Variants in MAGI3 observed in about 807,000 individuals in gnomAD.
MAGI3 encodes the protein membrane associated guanylate kinase, WW and PDZ domain containing 3, also known as membrane-associated guanylate kinase, WW and PDZ domain-containing protein 3.
Under a neutral mutation model 121.8 loss-of-function variants are expected in MAGI3, and 43 were observed. The ratio of observed to expected loss-of-function variants is 0.35; its 90% CI spans 0.28 to 0.46. The LOEUF (loss-of-function observed/expected upper bound fraction) is 0.46. Ranked by LOEUF, MAGI3 falls within the 20% of genes least tolerant of loss-of-function variation. The pLI is 1.00. For missense variants in MAGI3, 1,547 were observed against 1,797.3 expected (o/e 0.86, Z 2.52); for synonymous variants, 553 against 639.3 (o/e 0.86, Z 2.04).
At chr1:113,487,773 A>G (rs1190181068) in intron 1 of MAGI3, among the ~76,000 whole-genome samples, 1 of 150,756 alleles carries the variant, frequency 6.6e-6, no homozygotes, top group Non-Finnish European at 1.5e-5. Flanking sequence ...TTTTTTCTAT[A>G]TTGTGTGCAT....
intron 1 of MAGI3, among the ~76,000 whole-genome samples, chr1:113,515,960 A>G (rs1246679907): frequency 6.6e-6 from 1 of 151,952 alleles, no homozygotes; most frequent in Non-Finnish European, 1.5e-5. Context: ...TTTGTTCTGG[A>G]GGACTGTCCT....
At chr1:113,559,607 G>C (rs12043639) in intron 2 of MAGI3, among the ~76,000 whole-genome samples, 1 of 151,238 alleles carries the variant, frequency 6.6e-6, no homozygotes, top group African/African-American at 2.4e-5. Context: ...TCACTCTGTC[G>C]CCCAGGCTGA....
chr1:113,671,672 C>A lies in MAGI3; in HGVS notation c.2816-62C>A, dbSNP rs568424089. 165 of 1,496,884 alleles carry A rather than the reference C, an allele frequency of 1.1e-4. 4 individuals are homozygous for A. The South Asian group carries it at 1.8e-3, about 16-fold the overall frequency. 92.7% of individuals were successfully genotyped at this position (1,496,884 alleles called of 1,614,324 possible). A position where few individuals can be genotyped will look rare whatever the true frequency, so the allele number is the denominator to read the frequency against. ...CTGTTATTGTCTCACCTTCACAGAT[C>A]CGCTTGGCCTTCACATTTTTATGTA... On this transcript the variant is annotated intron_variant, in intron 16 of 20. Transcript: ENST00000307546.
chr1:113,412,334 C>T (rs947975453), intron 1 of MAGI3, among the ~76,000 whole-genome samples: 2 of 152,004 alleles, frequency 1.3e-5, no homozygotes, highest in African/African-American at 2.4e-5. Flanking sequence ...AATAAACATA[C>T]GTGTGCATGT....
intron 12 of MAGI3, among the ~76,000 whole-genome samples, chr1:113,647,964 C>T (rs376841761): frequency 9.2e-5 from 14 of 151,366 alleles, no homozygotes; most frequent in East Asian, 5.8e-4. Flanking sequence ...CTCTGTCACC[C>T]GGAGCTGGAG....
At chr1:113,653,361 C>T (rs1196992100) in intron 14 of MAGI3, among the ~76,000 whole-genome samples, 1 of 152,042 alleles carries the variant, frequency 6.6e-6, no homozygotes, top group African/African-American at 2.4e-5. Context: ...ATCATGAGGT[C>T]AGGAGTTCGA....
At chr1:113,514,645 G>C (rs1247789640) in intron 1 of MAGI3, among the ~76,000 whole-genome samples, 1 of 152,006 alleles carries the variant, frequency 6.6e-6, no homozygotes, top group Non-Finnish European at 1.5e-5. Context: ...GGGAGGGGGA[G>C]GGATAGCTTT....
intron 1 of MAGI3, among the ~76,000 whole-genome samples, chr1:113,487,544 A>G (rs545471693): frequency 3.9e-5 from 6 of 152,308 alleles, no homozygotes; most frequent in African/African-American, 9.6e-5. Context: ...GCATAAATGT[A>G]TTAATAAGCA....
chr1:113,522,943 G>C (rs980385888), intron 1 of MAGI3, among the ~76,000 whole-genome samples: 1 of 152,132 alleles, frequency 6.6e-6, no homozygotes, highest in African/African-American at 2.4e-5. Flanking sequence ...ATATGGTTTG[G>C]CTGTGTCCCC....
intron 2 of MAGI3, among the ~76,000 whole-genome samples, chr1:113,557,442 T>G (rs927581738): frequency 1.3e-5 from 2 of 152,184 alleles, no homozygotes; most frequent in African/African-American, 4.8e-5. Context: ...TTTGTTGAGG[T>G]GTGGCCAGAC....
chr1:113,394,840 A>G (rs1488486879), intron 1 of MAGI3, among the ~76,000 whole-genome samples: 1 of 152,160 alleles, frequency 6.6e-6, no homozygotes, highest in African/African-American at 2.4e-5. Context: ...AAACAATGTT[A>G]TAGTTTGTTT....
At chr1:113,492,260 A>T (rs1201946076) in intron 1 of MAGI3, among the ~76,000 whole-genome samples, 2 of 152,226 alleles carry the variant, frequency 1.3e-5, no homozygotes, top group Admixed American at 1.3e-4. Context: ...ACAACTAAAG[A>T]CAAAATCCAC....
intron 14 of MAGI3, 127 bp downstream of exon 14, chr1:113,651,333 C>T: frequency 1.2e-6 from 1 of 804,310 alleles, no homozygotes; most frequent in Non-Finnish European, 1.9e-6. Flanking sequence ...TTGGTGTGAT[C>T]CAGGGCCTCA....
At chr1:113,533,779 C>CTTTTTTT (rs1369851533) in intron 1 of MAGI3, among the ~76,000 whole-genome samples, 8 of 140,136 alleles carry the variant, frequency 5.7e-5, no homozygotes, top group African/African-American at 2.0e-4. Flanking sequence ...AATATCTTTT[C>CTTTTTTT]TTTTTCTTTT....
At chr1:113,457,526 T>A (rs904980042) in intron 1 of MAGI3, among the ~76,000 whole-genome samples, 2 of 152,110 alleles carry the variant, frequency 1.3e-5, no homozygotes, top group African/African-American at 2.4e-5. Context: ...CATCTTGTCC[T>A]CAGCAAGGAC....
intron 1 of MAGI3, among the ~76,000 whole-genome samples, chr1:113,479,628 T>A (rs1570736311): frequency 6.6e-6 from 1 of 152,212 alleles, no homozygotes; most frequent in South Asian, 2.1e-4. Flanking sequence ...TGGATTTGGA[T>A]GTTCATTTTT....
chr1:113,677,687 A>G (rs1272164781), intron 19 of MAGI3, among the ~76,000 whole-genome samples: 1 of 152,182 alleles, frequency 6.6e-6, no homozygotes, highest in African/African-American at 2.4e-5. Context: ...AAAAGGGAAC[A>G]TTCTTTTTCC....
At chr1:113,662,276 A>G (rs1653821357) in intron 16 of MAGI3, among the ~76,000 whole-genome samples, 1 of 152,198 alleles carries the variant, frequency 6.6e-6, no homozygotes, top group South Asian at 2.1e-4. Context: ...GGCAAGTGTC[A>G]TATTTCATAA....
chr1:113,562,106 GA>G (rs1660263023), intron 2 of MAGI3, among the ~76,000 whole-genome samples: 1 of 152,204 alleles, frequency 6.6e-6, no homozygotes, highest in Admixed American at 6.5e-5. Flanking sequence ...ACTGCTCAAA[GA>G]AATCAGAGAT....
Sources: gnomAD v4.1 joint callset for allele counts (sites outside exome capture counted in the v4.1 genomes callset) on GRCh38, gnomAD v4.1.1 for gene constraint, MANE v1.5 for transcripts, NCBI Gene and HGNC (gene_info 2026-07-23, HGNC 2026-07-21) for gene names.